PDZRN3: variants seen among roughly 807,000 people sequenced by gnomAD.
PDZRN3 encodes the protein PDZ domain containing ring finger 3.
A neutral mutation model predicts 85.7 loss-of-function variants in PDZRN3; 38 were observed. That is an observed-to-expected ratio of 0.44 (90% CI 0.34 to 0.58). The LOEUF is 0.58. Ranked by LOEUF, PDZRN3 falls within the 20% of genes least tolerant of loss-of-function variation. The pLI is 0.01. For synonymous variants in PDZRN3, 759 were observed against 638.0 expected (o/e 1.19, Z -2.86); for missense variants, 1,629 against 1,506.4 (o/e 1.08, Z -1.35).
intron 3 of PDZRN3, among the ~76,000 whole-genome samples, chr3:73,591,654 G>T (rs776918361): frequency 1.5e-4 from 23 of 151,932 alleles, no homozygotes; most frequent in Non-Finnish European, 3.2e-4. Flanking sequence ...TTTATTCCGG[G>T]GCCAAAATTG....
intron 3 of PDZRN3, among the ~76,000 whole-genome samples, chr3:73,601,054 C>A (rs762967075): frequency 2.0e-5 from 3 of 152,202 alleles, no homozygotes; most frequent in Non-Finnish European, 4.4e-5. Flanking sequence ...ACATCACACT[C>A]CCTCCGAGGA....
At chr3:73,538,377 G>C (rs1050657700) in intron 3 of PDZRN3, among the ~76,000 whole-genome samples, 16 of 152,186 alleles carry the variant, frequency 1.1e-4, no homozygotes, top group African/African-American at 3.9e-4. Flanking sequence ...GCAAAGAAGA[G>C]CTTTTTCAAA....
chr3:73,554,070 G>A (rs549951761), intron 3 of PDZRN3, among the ~76,000 whole-genome samples: 23 of 152,342 alleles, frequency 1.5e-4, no homozygotes, highest in African/African-American at 4.8e-4. Flanking sequence ...GCACAGAGCT[G>A]CTGAGTGAAG....
At chr3:73,399,587 C>A (rs537646184) in intron 5 of PDZRN3, among the ~76,000 whole-genome samples, 80 of 152,276 alleles carry the variant, frequency 5.3e-4, no homozygotes, top group Middle Eastern at 3.4e-3. Context: ...GCTGCTTCAC[C>A]AAACAGCCCT....
chr3:73,396,589 C>T (rs557891472), intron 5 of PDZRN3, among the ~76,000 whole-genome samples: 1 of 152,298 alleles, frequency 6.6e-6, no homozygotes, highest in African/African-American at 2.4e-5. Context: ...TTAGCTTCCT[C>T]TATGAAACCA....
At chr3:73,529,720 T>G (rs1704609743) in intron 3 of PDZRN3, among the ~76,000 whole-genome samples, 2 of 152,256 alleles carry the variant, frequency 1.3e-5, no homozygotes, top group Non-Finnish European at 2.9e-5. Context: ...TCAAAGTGCC[T>G]GTGTCCAACT....
intron 1 of PDZRN3, among the ~76,000 whole-genome samples, chr3:73,612,046 G>A (rs1702693241): frequency 6.6e-6 from 1 of 152,168 alleles, no homozygotes; most frequent in African/African-American, 2.4e-5. Flanking sequence ...TCATTTACAG[G>A]AAAATTTAAC....
chr3:73,569,612 C>T lies in PDZRN3; in HGVS notation c.918+32742G>A, dbSNP rs111877847. 1.3e-4 allele frequency: 126 copies of T among 982,664 alleles called. 1 individual carries two copies. In the African/African-American group the frequency reaches 2.0e-3, roughly 16 times the overall value. 60.9% of individuals were successfully genotyped at this position (982,664 alleles called of 1,614,324 possible). On this transcript the variant is annotated intron_variant, in intron 3 of 9. Coordinates refer to ENST00000263666, the MANE Select transcript of PDZRN3 (RefSeq NM_015009.3). ...GGACAGACAGCCCTGTGCCAAACCT[C>T]AGCCCTGTGTCTGGGGTCTTCTCCA...
intron 3 of PDZRN3, among the ~76,000 whole-genome samples, chr3:73,435,495 T>C (rs983574550): frequency 6.6e-6 from 1 of 152,218 alleles, no homozygotes; most frequent in African/African-American, 2.4e-5. Flanking sequence ...ATAGGTATGA[T>C]GCTAATTACC....
intron 3 of PDZRN3, among the ~76,000 whole-genome samples, chr3:73,535,110 T>C (rs1240683861): frequency 6.6e-6 from 1 of 152,136 alleles, no homozygotes; most frequent in African/African-American, 2.4e-5. Context: ...TCCTTCTGCC[T>C]TAACACCAGC....
intron 3 of PDZRN3, among the ~76,000 whole-genome samples, chr3:73,576,239 G>A (rs1304762946): frequency 1.3e-5 from 2 of 152,072 alleles, no homozygotes; most frequent in Admixed American, 6.6e-5. Context: ...GGGAGAATAA[G>A]GTCTAAATTG....
chr3:73,554,111 G>A (rs947327669), intron 3 of PDZRN3, among the ~76,000 whole-genome samples: 1 of 152,122 alleles, frequency 6.6e-6, no homozygotes, highest in Non-Finnish European at 1.5e-5. Context: ...GAGAATAGAG[G>A]GCCAAGGGCT....
chr3:73,406,987 G>T (rs181782888), intron 3 of PDZRN3, among the ~76,000 whole-genome samples: 4 of 152,332 alleles, frequency 2.6e-5, no homozygotes, highest in Non-Finnish European at 5.9e-5. Context: ...TCTGCTAAAA[G>T]AACTCTTTGT....
intron 3 of PDZRN3, among the ~76,000 whole-genome samples, chr3:73,483,753 C>T (rs1048664528): frequency 6.6e-6 from 1 of 152,104 alleles, no homozygotes; most frequent in Non-Finnish European, 1.5e-5. Flanking sequence ...AATGCAAAGG[C>T]GTGGCAGCAG....
intron 3 of PDZRN3, among the ~76,000 whole-genome samples, chr3:73,475,520 A>G (rs539768013): frequency 6.6e-6 from 1 of 152,352 alleles, no homozygotes; most frequent in Non-Finnish European, 1.5e-5. Flanking sequence ...TAAACCTCTC[A>G]AAGTTGTAAA....
intron 1 of PDZRN3, among the ~76,000 whole-genome samples, chr3:73,622,268 G>A (rs1702877463): frequency 6.6e-6 from 1 of 152,236 alleles, no homozygotes; most frequent in Non-Finnish European, 1.5e-5. Context: ...CTGACAGACA[G>A]GCCAGGGGCC....
At chr3:73,556,743 T>G (rs1271070449) in intron 3 of PDZRN3, 2 of 152,342 alleles carry the variant, frequency 1.3e-5, no homozygotes, top group Non-Finnish European at 2.9e-5. Context: ...ACACCAGAGA[T>G]CAGGCAGCAA....
intron 3 of PDZRN3, among the ~76,000 whole-genome samples, chr3:73,430,632 A>T (rs1310195163): frequency 1.3e-5 from 2 of 152,130 alleles, no homozygotes; most frequent in Non-Finnish European, 2.9e-5. Flanking sequence ...CCTGTGCTGG[A>T]GTCACTGGCA....
chr3:73,485,304 T>G (rs1370833478), intron 3 of PDZRN3, among the ~76,000 whole-genome samples: 1 of 149,118 alleles, frequency 6.7e-6, no homozygotes, highest in African/African-American at 2.4e-5. Context: ...TCAAAATAAT[T>G]TATATTATTT....
Sources: gnomAD v4.1 joint callset for allele counts (sites outside exome capture counted in the v4.1 genomes callset) on GRCh38, gnomAD v4.1.1 for gene constraint, MANE v1.5 for transcripts, NCBI Gene and HGNC (gene_info 2026-07-23, HGNC 2026-07-21) for gene names.